The following ZNG1B variants were observed in gnomAD, a reference collection of about 807,000 sequenced individuals.
ZNG1B encodes zinc-regulated GTPase metalloprotein activator 1B.
the ZNG1B span, among the ~76,000 whole-genome samples, chr2:113,477,230 T>A: frequency 2.0e-5 from 3 of 152,238 alleles, no homozygotes; most frequent in Non-Finnish European, 4.4e-5. Flanking sequence ...GTGCGCCTTT[T>A]TTTAAGCCCG....
the ZNG1B span, chr2:113,495,893 C>T: frequency 1.5e-5 from 13 of 864,158 alleles, 1 homozygote; most frequent in Middle Eastern, 3.5e-4. Flanking sequence ...TGTAGCAAAT[C>T]GGTACTGTAA....
the ZNG1B span, among the ~76,000 whole-genome samples, chr2:113,488,555 G>T: frequency 6.6e-6 from 1 of 151,664 alleles, no homozygotes; most frequent in East Asian, 1.9e-4. Context: ...CACTAGGTTG[G>T]TTATTAAGCT....
At chr2:113,481,084 GA>G in the ZNG1B span, among the ~76,000 whole-genome samples, 10 of 137,054 alleles carry the variant, frequency 7.3e-5, no homozygotes, top group Non-Finnish European at 1.4e-4. Flanking sequence ...TTCGTTGTTA[GA>G]TTTTTTTTTT....
the ZNG1B span, chr2:113,444,358 A>C: frequency 6.3e-6 from 1 of 158,796 alleles, no homozygotes; most frequent in African/African-American, 2.4e-5. Flanking sequence ...AAAAATGACT[A>C]CTTGTACTGT....
the ZNG1B span, among the ~76,000 whole-genome samples, chr2:113,443,304 A>G: frequency 6.6e-6 from 1 of 152,032 alleles, no homozygotes; most frequent in South Asian, 2.1e-4. Context: ...GTTTTTACTC[A>G]TTGGGAATAT....
the ZNG1B span, chr2:113,465,289 A>T: frequency 2.5e-6 from 1 of 399,144 alleles, no homozygotes; most frequent in South Asian, 2.4e-5. Flanking sequence ...AGTGCATTTA[A>T]AAAGAATTGG....
the ZNG1B span, among the ~76,000 whole-genome samples, chr2:113,478,877 C>T: frequency 1.3e-5 from 2 of 150,588 alleles, no homozygotes; most frequent in African/African-American, 4.9e-5. Flanking sequence ...GCAGTTATTC[C>T]TCCTTCTCAG....
the ZNG1B span, among the ~76,000 whole-genome samples, chr2:113,448,606 A>G: frequency 1.3e-5 from 2 of 151,146 alleles, no homozygotes; most frequent in South Asian, 4.3e-4. Context: ...TTTCATCTCC[A>G]TTAAAAATCT....
At chr2:113,492,213 C>G in the ZNG1B span, among the ~76,000 whole-genome samples, 1 of 139,882 alleles carries the variant, frequency 7.1e-6, no homozygotes, top group African/African-American at 2.6e-5. Context: ...GCACAATTCG[C>G]AATTGCAAAA....
the ZNG1B span, among the ~76,000 whole-genome samples, chr2:113,461,302 G>A: frequency 8.6e-5 from 13 of 151,022 alleles, no homozygotes; most frequent in Admixed American, 2.0e-4. Flanking sequence ...GGCTGGTCTC[G>A]AGCTCCTGAC....
At chr2:113,460,552 A>T in the ZNG1B span, 1 of 1,401,294 alleles carries the variant, frequency 7.1e-7, no homozygotes, top group Admixed American at 2.1e-5. Flanking sequence ...TGTATTCAGT[A>T]ACAGAACATG....
chr2:113,468,640 A>G, the ZNG1B span: 3 of 146,822 alleles, frequency 2.0e-5, no homozygotes, highest in Admixed American at 2.0e-4. Context: ...TGGTGATTTT[A>G]ATGCTTTGGA....
the ZNG1B span, among the ~76,000 whole-genome samples, chr2:113,443,403 C>A: frequency 6.6e-6 from 1 of 151,628 alleles, no homozygotes; most frequent in Non-Finnish European, 1.5e-5. Flanking sequence ...GAAGGGCATA[C>A]AAAATCCAGT....
chr2:113,475,528 C>T, the ZNG1B span, among the ~76,000 whole-genome samples: 1 of 151,000 alleles, frequency 6.6e-6, no homozygotes, highest in Non-Finnish European at 1.5e-5. Context: ...TTGATCCTGT[C>T]ATTATGATGT....
the ZNG1B span, among the ~76,000 whole-genome samples, chr2:113,475,544 G>C: frequency 6.6e-6 from 1 of 151,360 alleles, no homozygotes; most frequent in African/African-American, 2.4e-5. Context: ...GATGTTAGCT[G>C]GTTATTTTGC....
At chr2:113,463,143 C>G in the ZNG1B span, among the ~76,000 whole-genome samples, 1 of 151,958 alleles carries the variant, frequency 6.6e-6, no homozygotes, top group African/African-American at 2.4e-5. Flanking sequence ...TATGTGCTAA[C>G]AGTCATTTTG....
chr2:113,438,014 G>T, the ZNG1B span: 7 of 1,611,746 alleles, frequency 4.3e-6, no homozygotes, highest in East Asian at 2.2e-5. Flanking sequence ...ATTATCACCG[G>T]GTATTTAGGT....
At chr2:113,476,797 T>C in the ZNG1B span, among the ~76,000 whole-genome samples, 26 of 152,346 alleles carry the variant, frequency 1.7e-4, no homozygotes, top group African/African-American at 5.8e-4. Context: ...TCAGTCTGCC[T>C]CTGCTAGGGA....
the ZNG1B span, chr2:113,439,052 C>T: frequency 1.3e-6 from 2 of 1,539,124 alleles, no homozygotes; most frequent in Non-Finnish European, 1.8e-6. Flanking sequence ...AGAAGATGAA[C>T]AAATTTCTTG....
Sources: gnomAD v4.1 joint callset for allele counts (sites outside exome capture counted in the v4.1 genomes callset) on GRCh38, gnomAD v4.1.1 for gene constraint, MANE v1.5 for transcripts, NCBI Gene and HGNC (gene_info 2026-07-23, HGNC 2026-07-21) for gene names.